MACROD2: variants seen among roughly 807,000 people sequenced by gnomAD.
MACROD2 encodes mono-ADP ribosylhydrolase 2.
MACROD2 carries 36 observed loss-of-function variants against 70.4 expected under a neutral mutation model. The ratio of observed to expected loss-of-function variants is 0.51; its 90% confidence interval spans 0.39 to 0.68. The LOEUF (loss-of-function observed/expected upper bound fraction) is 0.68, where lower values mean the gene tolerates loss of function less well. MACROD2 is among the 30% of genes least tolerant of loss of function. The pLI is 0.00. For missense variants in MACROD2, 496 were observed against 538.4 expected (o/e 0.92, Z 0.78); for synonymous variants, 172 against 178.8 (o/e 0.96, Z 0.30).
rs11468972 is a variant in MACROD2 at position 14,981,021 on chromosome 20, A to AGTGTGTGTGTGTGT, written c.419-248901_419-248888dup. ...GCCAGAAGGATCCTTTACAAAAAGA[A>AGTGTGTGTGTGTGT]GTGTGTGTGTGTGTGTGTGTGTGTG... On this transcript the variant is annotated intron_variant, in intron 5 of 17. Coordinates refer to ENST00000684519, the MANE Select transcript of MACROD2 (RefSeq NM_001351661.2). 4.8e-3 allele frequency among the ~76,000 whole-genome samples: 695 copies of AGTGTGTGTGTGTGT among 143,724 alleles called. 8 individuals are homozygous for AGTGTGTGTGTGTGT. Among genetic ancestry groups the AGTGTGTGTGTGTGT allele is most frequent in the African/African-American group, 0.017 (661 of 39,400 alleles). 94.3% of individuals were successfully genotyped at this position (143,724 alleles called of 152,430 possible).
chr20:15,076,530 A>G (rs2123119269), intron 5 of MACROD2, among the ~76,000 whole-genome samples: 1 of 152,180 alleles, frequency 6.6e-6, no homozygotes, highest in South Asian at 2.1e-4. Flanking sequence ...TGTTATTATC[A>G]TTACTATTAT....
At chr20:15,542,098 T>A (rs2047965277) in intron 8 of MACROD2, among the ~76,000 whole-genome samples, 1 of 152,134 alleles carries the variant, frequency 6.6e-6, no homozygotes, top group Non-Finnish European at 1.5e-5. Flanking sequence ...GTGACAGGCA[T>A]CTTGGGGTTA....
chr20:15,189,189 TC>T (rs1162854386), intron 5 of MACROD2, among the ~76,000 whole-genome samples: 1 of 151,780 alleles, frequency 6.6e-6, no homozygotes, highest in African/African-American at 2.4e-5. Flanking sequence ...ACTTGGAGCC[TC>T]CATCAGGCTG....
intron 5 of MACROD2, among the ~76,000 whole-genome samples, chr20:14,987,050 A>C (rs2074855819): frequency 6.6e-6 from 1 of 152,174 alleles, no homozygotes; most frequent in African/African-American, 2.4e-5. Flanking sequence ...ATTCCCCTGA[A>C]ACTACCATTT....
intron 3 of MACROD2, among the ~76,000 whole-genome samples, chr20:14,216,355 A>T (rs1290879234): frequency 2.0e-5 from 3 of 151,942 alleles, no homozygotes; most frequent in African/African-American, 7.3e-5. Flanking sequence ...ATTCTGTTTC[A>T]TTGGTCTATG....
At chr20:15,980,542 A>C (rs1365736891) in intron 13 of MACROD2, among the ~76,000 whole-genome samples, 1 of 152,194 alleles carries the variant, frequency 6.6e-6, no homozygotes, top group Admixed American at 6.5e-5. Context: ...GGGAGCAGTA[A>C]GCAGGTTTTT....
At chr20:15,074,064 A>C (rs945094949) in intron 5 of MACROD2, among the ~76,000 whole-genome samples, 2 of 152,176 alleles carry the variant, frequency 1.3e-5, no homozygotes, top group African/African-American at 4.8e-5. Context: ...CAGTGATTGA[A>C]GTTTATTTGA....
intron 8 of MACROD2, among the ~76,000 whole-genome samples, chr20:15,583,919 G>A (rs1225129459): frequency 6.6e-6 from 1 of 152,188 alleles, no homozygotes. Context: ...GATTACAGGC[G>A]TAAGCCACAA....
At chr20:15,605,679 G>A (rs1241013725) in intron 8 of MACROD2, among the ~76,000 whole-genome samples, 1 of 152,128 alleles carries the variant, frequency 6.6e-6, no homozygotes. Flanking sequence ...GAAAAATCTG[G>A]TGAAAACTTG....
At chr20:14,875,173 G>T (rs2073535722) in intron 5 of MACROD2, among the ~76,000 whole-genome samples, 2 of 151,954 alleles carry the variant, frequency 1.3e-5, no homozygotes, top group Non-Finnish European at 2.9e-5. Flanking sequence ...ACGAGGTCAG[G>T]AGTTCGAGAC....
intron 3 of MACROD2, among the ~76,000 whole-genome samples, chr20:14,359,627 C>CT (rs2083203719): frequency 6.6e-6 from 1 of 152,116 alleles, no homozygotes; most frequent in African/African-American, 2.4e-5. Context: ...AATCCCAATA[C>CT]TTTGGGAGGT....
At chr20:15,872,071 C>A (rs545737924) in intron 9 of MACROD2, among the ~76,000 whole-genome samples, 1 of 152,298 alleles carries the variant, frequency 6.6e-6, no homozygotes, top group East Asian at 1.9e-4. Flanking sequence ...CGTAATGCTT[C>A]TTCCCTTAGC....
chr20:15,122,877 T>A (rs866198268), intron 5 of MACROD2, among the ~76,000 whole-genome samples: 11 of 152,146 alleles, frequency 7.2e-5, no homozygotes, highest in Admixed American at 1.3e-4. Context: ...GAAAAAGTCT[T>A]TGCCTCTGCA....
intron 3 of MACROD2, among the ~76,000 whole-genome samples, chr20:14,285,238 C>A (rs558600730): frequency 2.4e-4 from 36 of 152,266 alleles, no homozygotes; most frequent in South Asian, 4.2e-4. Context: ...AGACCCAAGT[C>A]TAAACACTTA....
At chr20:15,293,019 T>C (rs781256989) in intron 6 of MACROD2, among the ~76,000 whole-genome samples, 6 of 152,188 alleles carry the variant, frequency 3.9e-5, no homozygotes, top group Non-Finnish European at 7.4e-5. Flanking sequence ...TGAATCTCTT[T>C]AGTGACAGAG....
chr20:14,725,303 A>T (rs1162165419), intron 5 of MACROD2, among the ~76,000 whole-genome samples: 1 of 152,042 alleles, frequency 6.6e-6, no homozygotes, highest in African/African-American at 2.4e-5. Context: ...TAAAAATATA[A>T]ATTTTGGAGT....
chr20:15,815,247 G>A (rs930426659), intron 8 of MACROD2, among the ~76,000 whole-genome samples: 7 of 152,182 alleles, frequency 4.6e-5, no homozygotes, highest in Middle Eastern at 3.4e-3. Flanking sequence ...GTGAGAGCTC[G>A]CCTGAGTTAG....
chr20:15,562,963 C>T (rs1003390024), intron 8 of MACROD2, among the ~76,000 whole-genome samples: 1 of 152,142 alleles, frequency 6.6e-6, no homozygotes, highest in Admixed American at 6.5e-5. Context: ...TAGAAACGTA[C>T]AGTTTGAGCA....
intron 15 of MACROD2, among the ~76,000 whole-genome samples, chr20:16,032,508 C>T (rs1267490681): frequency 1.3e-5 from 2 of 150,052 alleles, no homozygotes; most frequent in African/African-American, 4.9e-5. Flanking sequence ...GTCTTAAATT[C>T]AAGGAAGAAA....
Sources: allele counts gnomAD v4.1 joint callset (sites outside exome capture counted in the v4.1 genomes callset), GRCh38; gene constraint gnomAD v4.1.1; transcripts MANE v1.5; gene names NCBI Gene and HGNC (gene_info 2026-07-23, HGNC 2026-07-21).